The following TMPRSS15 variants were observed in gnomAD, a reference collection of about 807,000 sequenced individuals.
The protein encoded by TMPRSS15 is transmembrane serine protease 15, also known as enteropeptidase.
Under a neutral mutation model 125.3 loss-of-function variants are expected in TMPRSS15, and 128 were observed. The ratio of observed to expected loss-of-function variants is 1.02; its 90% CI spans 0.89 to 1.18. The LOEUF is 1.18. Among genes scored for constraint, TMPRSS15 ranks in the 50% most tolerant of loss-of-function variants. TMPRSS15 has a pLI of 0.00. For synonymous variants in TMPRSS15, 446 were observed against 423.2 expected, an observed-to-expected ratio of 1.05 and a Z score of -0.66; for missense variants, 1,283 against 1,212.7, an observed-to-expected ratio of 1.06 and a Z score of -0.86.
intron 13 of TMPRSS15, among the ~76,000 whole-genome samples, chr21:18,336,796 G>A (rs987313957): frequency 1.3e-5 from 2 of 152,136 alleles, no homozygotes; most frequent in Admixed American, 6.6e-5. Flanking sequence ...TCAGGCTTCC[G>A]AGTAGCTTGG....
chr21:18,455,056 G>A (rs1454057658), intron 1 of TMPRSS15, among the ~76,000 whole-genome samples: 2 of 152,024 alleles, frequency 1.3e-5, no homozygotes, highest in South Asian at 2.1e-4. Context: ...TGCTATTCTT[G>A]TGATAGTGAG....
chr21:18,365,124 TA>T lies in TMPRSS15; in HGVS notation c.773+15del. The T allele has an allele frequency of 6.3e-7, 1 of 1,597,438 alleles. No homozygotes were observed. Among genetic ancestry groups the T allele is most frequent in the Non-Finnish European group, 8.6e-7 (1 of 1,164,906 alleles). ...CTTTATGACTTAAGAACAGAAAATA[TA>T]AGATCTTGTATTACCGTATGATCCA... On this transcript the variant is annotated intron_variant, in intron 7 of 24. Coordinates refer to ENST00000284885, the MANE Select transcript of TMPRSS15 (RefSeq NM_002772.3).
At chr21:18,279,116 T>G in intron 22 of TMPRSS15, 57 bp from the exon 23 acceptor site, 1 of 914,096 alleles carries the variant, frequency 1.1e-6, no homozygotes, top group South Asian at 1.4e-5. Context: ...AGAACAGATT[T>G]ACAAGCATTT....
intron 3 of TMPRSS15, among the ~76,000 whole-genome samples, chr21:18,396,598 C>G (rs2076039458): frequency 6.6e-6 from 1 of 151,812 alleles, no homozygotes; most frequent in South Asian, 2.1e-4. Context: ...CATGGTGAAA[C>G]AGCATCTCTA....
intron 14 of TMPRSS15, 31 bp downstream of exon 14, chr21:18,332,053 T>C (rs1198207711): frequency 6.3e-7 from 1 of 1,587,872 alleles, no homozygotes. Context: ...TGGACATTTG[T>C]TTCTGATGAC....
At chr21:18,347,098 T>C (rs2075516768) in intron 10 of TMPRSS15, among the ~76,000 whole-genome samples, 1 of 152,146 alleles carries the variant, frequency 6.6e-6, no homozygotes, top group Admixed American at 6.5e-5. Flanking sequence ...CTTGTTAAAA[T>C]CGTATCAATT....
chr21:18,421,675 T>A lies in TMPRSS15; in HGVS notation c.11-23346A>T, dbSNP rs533717051. ...TTTCTATTCCTTTGTTTGAGGATTGTACTCTGTCTTTTGAATGCTCTTCTC... is the reference window on the plus strand; with the variant it reads ...TTTCTATTCCTTTGTTTGAGGATTGAACTCTGTCTTTTGAATGCTCTTCTC... On this transcript the variant is annotated intron_variant, in intron 1 of 7. Transcript: ENST00000422787. Among the ~76,000 whole-genome samples the A allele has an allele frequency of 7.2e-5, 11 of 152,330 alleles. 1 individual carries two copies. In the South Asian group the frequency reaches 2.3e-3, roughly 32 times the overall value.
intron 1 of TMPRSS15, among the ~76,000 whole-genome samples, chr21:18,413,650 G>C (rs984270473): frequency 7.0e-6 from 1 of 143,374 alleles, no homozygotes; most frequent in South Asian, 2.2e-4. Context: ...GGCTGGTCTT[G>C]AACTCCTGAC....
chr21:18,390,984 T>G (rs956314231), intron 3 of TMPRSS15, among the ~76,000 whole-genome samples: 5 of 152,114 alleles, frequency 3.3e-5, no homozygotes, highest in Non-Finnish European at 7.4e-5. Context: ...GAAGCCCTTA[T>G]GAAACCATCA....
chr21:18,349,161 G>A (rs965432646), intron 10 of TMPRSS15, among the ~76,000 whole-genome samples: 7 of 152,148 alleles, frequency 4.6e-5, no homozygotes, highest in Admixed American at 3.9e-4. Flanking sequence ...TTTTATTTGA[G>A]CTATGTAGTC....
At chr21:18,274,960 G>GTATT (rs1297886007) in intron 24 of TMPRSS15, among the ~76,000 whole-genome samples, 3 of 152,140 alleles carry the variant, frequency 2.0e-5, no homozygotes, top group Non-Finnish European at 4.4e-5. Context: ...ACACATTCAA[G>GTATT]TATTATGTCT....
intron 1 of TMPRSS15, among the ~76,000 whole-genome samples, chr21:18,462,658 G>A (rs1978573089): frequency 6.6e-6 from 1 of 151,934 alleles, no homozygotes; most frequent in Admixed American, 6.6e-5. Context: ...AAAAGCAGAA[G>A]TGCAAGCAAG....
chr21:18,461,365 T>C (rs1978547990), intron 1 of TMPRSS15, among the ~76,000 whole-genome samples: 1 of 152,156 alleles, frequency 6.6e-6, no homozygotes, highest in South Asian at 2.1e-4. Flanking sequence ...ACTGTAGCAC[T>C]CACATAAAGC....
At chr21:18,394,841 C>T (rs192698329) in intron 3 of TMPRSS15, among the ~76,000 whole-genome samples, 17 of 152,220 alleles carry the variant, frequency 1.1e-4, no homozygotes, top group Middle Eastern at 3.4e-3. Context: ...GCTATTTCTC[C>T]ACTCGTTTAA....
At chr21:18,358,478 A>AC (rs1214410600) in intron 8 of TMPRSS15, among the ~76,000 whole-genome samples, 1 of 151,950 alleles carries the variant, frequency 6.6e-6, no homozygotes, top group Non-Finnish European at 1.5e-5. Flanking sequence ...ATAATTTTAA[A>AC]AAACTGCATC....
intron 1 of TMPRSS15, among the ~76,000 whole-genome samples, chr21:18,483,641 T>A (rs550760710): frequency 3.7e-4 from 56 of 152,068 alleles, no homozygotes; most frequent in Non-Finnish European, 6.0e-4. Flanking sequence ...GTATACATAA[T>A]AAGAATACTA....
chr21:18,331,779 C>CT (rs1163096657), intron 14 of TMPRSS15, among the ~76,000 whole-genome samples: 3 of 152,126 alleles, frequency 2.0e-5, no homozygotes, highest in African/African-American at 7.2e-5. Context: ...AACACTGGTT[C>CT]TCTCACTGTT....
At chr21:18,406,703 T>G (rs1245259388), upstream of TMPRSS15, among the ~76,000 whole-genome samples, 2 of 152,136 alleles carry the variant, frequency 1.3e-5, no homozygotes, top group Admixed American at 6.6e-5. Flanking sequence ...TGAGTGAAGA[T>G]TCAAATAATC....
At chr21:18,335,487 C>T (rs751407898) in intron 13 of TMPRSS15, among the ~76,000 whole-genome samples, 6 of 152,156 alleles carry the variant, frequency 3.9e-5, no homozygotes, top group Non-Finnish European at 7.4e-5. Context: ...AGAACTCCAA[C>T]GTTGTCAAGT....
Sources: gnomAD v4.1 joint callset for allele counts (sites outside exome capture counted in the v4.1 genomes callset) on GRCh38, gnomAD v4.1.1 for gene constraint, MANE v1.5 for transcripts, NCBI Gene and HGNC (gene_info 2026-07-23, HGNC 2026-07-21) for gene names.